The following GPBP1L1 variants were observed in gnomAD, a reference collection of about 807,000 sequenced individuals.
GPBP1L1 encodes the protein GC-rich promoter binding protein 1 like 1.
In GPBP1L1, 23 loss-of-function variants were observed where a neutral mutation model predicts 52.5. That is an observed-to-expected ratio of 0.44 (90% CI 0.32 to 0.62). The LOEUF (loss-of-function observed/expected upper bound fraction) is 0.62, where lower values mean the gene tolerates loss of function less well. GPBP1L1 is among the 20% of genes least tolerant of loss of function. GPBP1L1 has a pLI of 0.06. For synonymous variants in GPBP1L1, 243 were observed against 203.1 expected (o/e 1.20, Z -1.67); for missense variants, 596 against 579.3 (o/e 1.03, Z -0.30).
chr1:45,683,203 CTTTTTTTTTTTTTTT>C (rs764606358), intron 2 of GPBP1L1, among the ~76,000 whole-genome samples: 7 of 83,780 alleles, frequency 8.4e-5, no homozygotes, highest in Admixed American at 6.0e-4. Context: ...GAATATAGGC[CTTTTTTTTTTTTTTT>C]TTTTTTTTTT....
intron 8 of GPBP1L1, among the ~76,000 whole-genome samples, chr1:45,637,413 T>G (rs921023852): frequency 2.6e-5 from 4 of 152,152 alleles, no homozygotes; most frequent in African/African-American, 9.7e-5. Flanking sequence ...ATGTCTTCTG[T>G]TTTCTTTTGC....
At chr1:45,653,484 T>G (rs895778871) in intron 6 of GPBP1L1, among the ~76,000 whole-genome samples, 5 of 152,068 alleles carry the variant, frequency 3.3e-5, no homozygotes, top group Non-Finnish European at 7.4e-5. Context: ...GTCTCCCTAG[T>G]GGCTGGGACC....
At chr1:45,629,468 AC>A (rs1644501761) in intron 12 of GPBP1L1, 107 bp downstream of exon 12, 1 of 74,990 alleles carries the variant, frequency 1.3e-5, no homozygotes, top group Non-Finnish European at 2.7e-5. Context: ...CCCCCCCCCC[AC>A]CCGATCTTTC....
intron 11 of GPBP1L1, among the ~76,000 whole-genome samples, chr1:45,630,021 G>A (rs951219288): frequency 2.6e-5 from 4 of 151,546 alleles, no homozygotes; most frequent in African/African-American, 9.7e-5. Context: ...TACAATCTCA[G>A]CTCACTGCAA....
At chr1:45,665,369 G>C (rs80239634) in intron 2 of GPBP1L1, among the ~76,000 whole-genome samples, 7,560 of 152,176 alleles carry the variant, frequency 0.05, 569 homozygotes, top group African/African-American at 0.16. Context: ...GGGGAGGTGT[G>C]TTCTACTGGT....
Position 45,660,394 on chromosome 1 carries a change from A to AGGGGAAAG in GPBP1L1, c.-274_-267dup, listed in dbSNP as rs1201299753. The stretch of plus-strand genomic sequence containing the variant: ...ATTTGGTTCCTGACACGTTTCCAAA[A>AGGGGAAAG]GGGGAAAGGGGAAAAGGGGAAGGGG... On this transcript the variant is annotated 5_prime_UTR_variant, in exon 3 of 13. The change abolishes the stop of an existing upstream ORF in the 5' untranslated region. Transcript: ENST00000355105. The AGGGGAAAG allele has an allele frequency of 1.0e-6, 1 of 982,208 alleles. No individual in the cohort carries two copies. Among genetic ancestry groups the AGGGGAAAG allele is most frequent in the Non-Finnish European group, 1.2e-6 (1 of 827,702 alleles). 60.8% of individuals were successfully genotyped at this position (982,208 alleles called of 1,614,324 possible).
At chr1:45,680,624 TATTA>T in intron 2 of GPBP1L1, among the ~76,000 whole-genome samples, 1 of 152,168 alleles carries the variant, frequency 6.6e-6, no homozygotes, top group Admixed American at 6.5e-5. Context: ...CCAATGCAAA[TATTA>T]ATTTTTAAGT....
At chr1:45,652,736 GAGAT>G (rs977870005) in intron 6 of GPBP1L1, among the ~76,000 whole-genome samples, 1 of 150,202 alleles carries the variant, frequency 6.7e-6, no homozygotes, top group Non-Finnish European at 1.5e-5. Context: ...TTTTTTTTAA[GAGAT>G]AGAGTCTTGC....
chr1:45,628,456 C>G (rs1467553546), intron 12 of GPBP1L1, 48 bp from the exon 13 acceptor site: 2 of 1,571,572 alleles, frequency 1.3e-6, no homozygotes, highest in Non-Finnish European at 8.7e-7. Context: ...ATATCAATGA[C>G]TGTACTGACC....
intron 3 of GPBP1L1, among the ~76,000 whole-genome samples, chr1:45,659,951 A>T (rs931776913): frequency 6.6e-6 from 1 of 152,020 alleles, no homozygotes; most frequent in Non-Finnish European, 1.5e-5. Context: ...AAGATGGGGG[A>T]AAAAAAGATC....
chr1:45,628,357 T>G lies in GPBP1L1; in HGVS notation c.1324A>C (p.Ser442Arg). 6.2e-7 allele frequency: 1 copy of G among 1,614,130 alleles called. No homozygotes were observed. Among genetic ancestry groups the G allele is most frequent in the Non-Finnish European group, 8.5e-7 (1 of 1,180,022 alleles). The change falls in exon 13 of 13, where the codon AGT becomes CGT. Residue 442 changes from serine (S) to arginine (R), a missense_variant. Transcript: ENST00000355105. ...GTGCTTCTCCAAGGGGAGAACAGAC[T>G]GGAACTGCGGCTCTGCAAGAAGCCA... is the stretch of plus-strand genomic sequence containing the variant. The part of the protein sequence containing the change: ...KNGFLQSRSS[S>R]LFSPWRSTCK...
intron 2 of GPBP1L1, among the ~76,000 whole-genome samples, chr1:45,680,131 T>A (rs979554440): frequency 6.6e-6 from 1 of 152,092 alleles, no homozygotes; most frequent in African/African-American, 2.4e-5. Flanking sequence ...AGGCTCTATT[T>A]CCCTATGATT....
At chr1:45,645,219 CA>C (rs1172603765) in intron 6 of GPBP1L1, among the ~76,000 whole-genome samples, 1 of 152,122 alleles carries the variant, frequency 6.6e-6, no homozygotes, top group Non-Finnish European at 1.5e-5. Context: ...GCAGTAGAGC[CA>C]CTCATTGCTA....
intron 2 of GPBP1L1, among the ~76,000 whole-genome samples, chr1:45,664,560 G>GC (rs1004697526): frequency 6.6e-6 from 1 of 151,990 alleles, no homozygotes; most frequent in African/African-American, 2.4e-5. Flanking sequence ...GCAAGACTCT[G>GC]CCTCAAATAA....
intron 12 of GPBP1L1, 122 bp downstream of exon 12, chr1:45,629,454 T>TTTTCCC: frequency 8.7e-6 from 1 of 115,396 alleles, no homozygotes. Flanking sequence ...ACTAAGGTAA[T>TTTTCCC]CCCCCCCCCC....
At chr1:45,685,861 G>C (rs765841946) in intron 1 of GPBP1L1, among the ~76,000 whole-genome samples, 1 of 152,118 alleles carries the variant, frequency 6.6e-6, no homozygotes, top group Non-Finnish European at 1.5e-5. Context: ...GCCCCTCCAA[G>C]GAAAGGAGGT....
intron 2 of GPBP1L1, among the ~76,000 whole-genome samples, chr1:45,665,618 G>C (rs1335852574): frequency 6.6e-6 from 1 of 151,818 alleles, no homozygotes; most frequent in African/African-American, 2.4e-5. Flanking sequence ...GTGCATGCCT[G>C]TAATCCCAGC....
In GPBP1L1 at chr1:45,654,773, T is replaced by C. The variant is rs758671840; in HGVS notation, c.247A>G (p.Lys83Glu). Residue 83 changes from lysine to glutamate, a missense_variant, in exon 6 of 13, where the codon AAG becomes GAG. Physicochemically the swap from Lys to Glu is moderately conservative, Grantham distance 56 (BLOSUM62 1). Transcript: ENST00000355105. ...CCTGTGATTCCAGCATATGCTCCCTTAGAGACACCAGAGTCCACAGAATCA... is the reference window on the plus strand; with the variant it reads ...CCTGTGATTCCAGCATATGCTCCCTCAGAGACACCAGAGTCCACAGAATCA... ...RHDSVDSGVS[K>E]GAYAGITGNP... The C allele has an allele frequency of 1.9e-6, 3 of 1,613,970 alleles. No homozygotes were observed. Among genetic ancestry groups the C allele is most frequent in the Non-Finnish European group, 2.5e-6 (3 of 1,180,020 alleles).
chr1:45,669,150 G>C (rs1645044995), intron 2 of GPBP1L1, among the ~76,000 whole-genome samples: 1 of 152,120 alleles, frequency 6.6e-6, no homozygotes, highest in Admixed American at 6.5e-5. Flanking sequence ...ATTTAAGTTT[G>C]GCTCAAATAC....
Sources: allele counts gnomAD v4.1 joint callset (sites outside exome capture counted in the v4.1 genomes callset), GRCh38; gene constraint gnomAD v4.1.1; transcripts MANE v1.5; gene names NCBI Gene and HGNC (gene_info 2026-07-23, HGNC 2026-07-21).